The following DENND4A variants were observed in gnomAD, a reference collection of about 807,000 sequenced individuals.
DENND4A encodes the protein C-myc promoter-binding protein.
DENND4A carries 70 observed loss-of-function variants against 199.3 expected under a neutral mutation model. The ratio of observed to expected loss-of-function variants is 0.35; its 90% CI spans 0.29 to 0.43. DENND4A has a LOEUF of 0.43. DENND4A is among the 20% of genes least tolerant of loss of function. The probability of loss-of-function intolerance (pLI) is 1.00; values close to 1 mark genes in which losing one functional copy is unlikely to be tolerated. For synonymous variants in DENND4A, 686 were observed against 766.9 expected (o/e 0.89, Z 1.74); for missense variants, 1,723 against 2,255.8 (o/e 0.76, Z 4.78).
At chr15:65,702,595 C>T (rs2142201539) in intron 16 of DENND4A, 84 bp from the exon 17 acceptor site, 1 of 1,161,768 alleles carries the variant, frequency 8.6e-7, no homozygotes, top group Non-Finnish European at 1.2e-6. Flanking sequence ...GTACAAGTCA[C>T]ATGCTTTTAT....
chr15:65,664,492 C>A, intron 31 of DENND4A, 68 bp downstream of exon 31: 1 of 1,552,722 alleles, frequency 6.4e-7, no homozygotes, highest in Non-Finnish European at 8.8e-7. Context: ...GATATTCTAA[C>A]AAATTACTAA....
chr15:65,690,380 T>A (rs1306653984), intron 23 of DENND4A, 35 bp downstream of exon 23: 2 of 1,527,572 alleles, frequency 1.3e-6, no homozygotes, highest in South Asian at 2.6e-5. Context: ...TATGTGTGTG[T>A]GACAGTAAAA....
chr15:65,747,853 C>T (rs542735265), intron 4 of DENND4A, among the ~76,000 whole-genome samples: 56 of 151,756 alleles, frequency 3.7e-4, no homozygotes, highest in Non-Finnish European at 6.9e-4. Flanking sequence ...TCAGCCTGAC[C>T]AACGTGGTGA....
rs57613461 is a variant in DENND4A, at chr15:65,676,141, A to AATATATATAT, written c.4369+294_4369+303dup. Among the ~76,000 whole-genome samples, 110 of 110,458 alleles carry AATATATATAT rather than the reference A, an allele frequency of 1.0e-3. 2 individuals carry two copies. The highest frequency in any genetic ancestry group is 3.9e-3 in the South Asian group (11 of 2,842). 72.5% of individuals were successfully genotyped at this position (110,458 alleles called of 152,430 possible). ...AGAAGACAGGGAAGTAATAAGGAAA[A>AATATATATAT]ATATATATATATATATATATATATA... On this transcript the variant is annotated intron_variant, in intron 24 of 32. Transcript: ENST00000443035.
intron 2 of DENND4A, among the ~76,000 whole-genome samples, chr15:65,757,801 G>A (rs987820711): frequency 6.6e-6 from 1 of 152,130 alleles, no homozygotes; most frequent in African/African-American, 2.4e-5. Flanking sequence ...TGACCAACAT[G>A]GAGAGAACCC....
chr15:65,772,086 A>C, intron 1 of DENND4A: 1 of 1,042,074 alleles, frequency 9.6e-7, no homozygotes, highest in Non-Finnish European at 1.5e-6. Flanking sequence ...GCCAGCATTC[A>C]GAGCCTCCTG....
chr15:65,696,583 T>C (rs2077153125), intron 21 of DENND4A, 86 bp from the exon 22 acceptor site: 23 of 978,744 alleles, frequency 2.3e-5, no homozygotes, highest in Non-Finnish European at 3.1e-5. Context: ...GTTCTACATA[T>C]TTTTACTTGA....
At chr15:65,684,051 T>C (rs988307854) in intron 23 of DENND4A, among the ~76,000 whole-genome samples, 4 of 152,382 alleles carry the variant, frequency 2.6e-5, no homozygotes, top group African/African-American at 9.6e-5. Context: ...TTTTAAGGCA[T>C]GTATCAGTAT....
At chr15:65,706,506 A>ATT (rs1567027891) in intron 14 of DENND4A, among the ~76,000 whole-genome samples, 1 of 126,580 alleles carries the variant, frequency 7.9e-6, no homozygotes, top group African/African-American at 3.0e-5. Context: ...ATATATATAT[A>ATT]TATTTTTTTT....
intron 1 of DENND4A, among the ~76,000 whole-genome samples, chr15:65,778,893 CAA>C (rs375471173): frequency 3.5e-4 from 38 of 107,354 alleles, no homozygotes; most frequent in Admixed American, 5.2e-4. Context: ...GACTCCGCAT[CAA>C]AAAAAAAAAA....
intron 14 of DENND4A, among the ~76,000 whole-genome samples, chr15:65,714,486 T>C (rs2075339706): frequency 6.6e-6 from 1 of 151,866 alleles, no homozygotes; most frequent in Admixed American, 6.6e-5. Flanking sequence ...CTCCCCCATA[T>C]GTAACATTCT....
chr15:65,749,485 G>A (rs887884165), intron 4 of DENND4A, among the ~76,000 whole-genome samples: 12 of 152,134 alleles, frequency 7.9e-5, no homozygotes, highest in Non-Finnish European at 1.3e-4. Flanking sequence ...TTATAAGTAT[G>A]TTCGTAACAG....
rs2075771167 is a variant in DENND4A, at chr15:65,659,248, C to T, written c.*2603G>A. 1 of 148,888 alleles carries T rather than the reference C, an allele frequency of 6.7e-6. No individual in the cohort carries two copies. Among genetic ancestry groups the T allele is most frequent in the South Asian group, 2.1e-4 (1 of 4,748 alleles). 9.2% of individuals were successfully genotyped at this position (148,888 alleles called of 1,614,324 possible). A position where few individuals can be genotyped will look rare whatever the true frequency, so the allele number is the denominator to read the frequency against. On this transcript the variant is annotated 3_prime_UTR_variant, in exon 33 of 33. Transcript: ENST00000443035. ...CTCTCCAACATGATTGGCCATTATT[C>T]TCCAAAATGTATGGTTAACAGAAAA...
intron 4 of DENND4A, among the ~76,000 whole-genome samples, chr15:65,746,077 G>A (rs2076380764): frequency 6.6e-6 from 1 of 151,548 alleles, no homozygotes; most frequent in South Asian, 2.1e-4. Context: ...GGAGGCGGAG[G>A]TTGCGGTGTG....
At position 65,697,030 on chromosome 15, in the gene DENND4A, G is replaced by A. The variant is rs116469768; in HGVS notation, c.2950+237C>T. 1,253 of 389,856 alleles carry A rather than the reference G, an allele frequency of 3.2e-3. 8 individuals carry two copies. The highest frequency in any genetic ancestry group is 0.018 in the African/African-American group (841 of 47,614). 24.1% of individuals were successfully genotyped at this position (389,856 alleles called of 1,614,324 possible). A position where few individuals can be genotyped will look rare whatever the true frequency, so the allele number is the denominator to read the frequency against. ...TAAATACATGTATTTTTGGAATTAC[G>A]TAGCATTCATTCTAATGGTATTTGA... is the stretch of plus-strand genomic sequence containing the variant. On this transcript the variant is annotated intron_variant, in intron 21 of 32. Transcript: ENST00000443035.
intron 22 of DENND4A, among the ~76,000 whole-genome samples, chr15:65,692,568 T>C (rs888920116): frequency 3.9e-5 from 6 of 152,302 alleles, no homozygotes; most frequent in African/African-American, 4.8e-5. Flanking sequence ...GGGCAAGAGA[T>C]AAGAGTGGAT....
Position 65,660,093 on chromosome 15 carries a change from AT to A in DENND4A, c.*1757del, listed in dbSNP as rs1182427673. On this transcript the variant is annotated 3_prime_UTR_variant, in exon 33 of 33. Coordinates refer to ENST00000443035, the MANE Select transcript of DENND4A (RefSeq NM_001320835.1). ...TCTCTCAGTTGACAACTTTCAAATG[AT>A]TTAAAGAACATGAAGAACAAGTAGA... The A allele has an allele frequency of 1.9e-6, 1 of 515,460 alleles. No individual in the cohort carries two copies. Among genetic ancestry groups the A allele is most frequent in the Non-Finnish European group, 3.4e-6 (1 of 291,578 alleles). The allele number at this position is 515,460 out of a possible 1,614,324, so 31.9% of individuals were successfully genotyped here. A position where few individuals can be genotyped will look rare whatever the true frequency, so the allele number is the denominator to read the frequency against.
chr15:65,728,640 C>G (rs144337305), intron 11 of DENND4A, among the ~76,000 whole-genome samples: 7 of 152,024 alleles, frequency 4.6e-5, no homozygotes, highest in Middle Eastern at 3.4e-3. Flanking sequence ...TGCGCCACCA[C>G]GCTCAGCTAA....
intron 11 of DENND4A, among the ~76,000 whole-genome samples, chr15:65,724,126 C>A (rs551298325): frequency 1.3e-5 from 2 of 152,144 alleles, no homozygotes; most frequent in Admixed American, 1.3e-4. Context: ...GGCATGATCA[C>A]GGCTCACTGC....
Sources: allele counts gnomAD v4.1 joint callset (sites outside exome capture counted in the v4.1 genomes callset), GRCh38; gene constraint gnomAD v4.1.1; transcripts MANE v1.5; gene names NCBI Gene and HGNC (gene_info 2026-07-23, HGNC 2026-07-21).